MACROH2A1: variants seen among roughly 807,000 people sequenced by gnomAD.
MACROH2A1 encodes the protein macroH2A.1 histone.
Under a neutral mutation model 31.6 loss-of-function variants are expected in MACROH2A1, and 2 were observed. The observed-to-expected ratio is 0.06, with a 90% confidence interval of 0.03 to 0.20. The LOEUF (loss-of-function observed/expected upper bound fraction) is 0.20, where lower values mean the gene tolerates loss of function less well. Ranked by LOEUF, MACROH2A1 falls within the 10% of genes least tolerant of loss-of-function variation. MACROH2A1 has a pLI of 1.00. For missense variants in MACROH2A1, 230 were observed against 474.0 expected (o/e 0.49, Z 4.78); for synonymous variants, 169 against 189.6 (o/e 0.89, Z 0.89).
intron 7 of MACROH2A1, chr5:135,344,939 A>G (rs1055450703): frequency 6.6e-6 from 1 of 152,366 alleles, no homozygotes; most frequent in Non-Finnish European, 1.5e-5. Context: ...CCGATGGGAA[A>G]GGACCCACAG....
intron 6 of MACROH2A1, among the ~76,000 whole-genome samples, chr5:135,352,273 G>A (rs896939182): frequency 1.3e-5 from 2 of 152,226 alleles, no homozygotes; most frequent in Non-Finnish European, 2.9e-5. Context: ...ATAGAGGCAG[G>A]ACACTTGAGG....
intron 2 of MACROH2A1, among the ~76,000 whole-genome samples, chr5:135,387,049 C>G (rs1766515310): frequency 6.6e-6 from 1 of 152,192 alleles, no homozygotes; most frequent in Non-Finnish European, 1.5e-5. Context: ...AAATTGGGGT[C>G]CAGGGAAGTT....
intron 6 of MACROH2A1, among the ~76,000 whole-genome samples, chr5:135,350,101 T>C (rs886527921): frequency 6.6e-6 from 1 of 152,190 alleles, no homozygotes; most frequent in African/African-American, 2.4e-5. Context: ...AGCCTCAGGA[T>C]ATGGCATCTC....
At chr5:135,396,618 A>T (rs1447028168) in intron 1 of MACROH2A1, among the ~76,000 whole-genome samples, 1 of 151,650 alleles carries the variant, frequency 6.6e-6, no homozygotes, top group African/African-American at 2.4e-5. Context: ...TGACCTTTCC[A>T]AGCCAGATAA....
chr5:135,356,804 T>C (rs1006113542), intron 5 of MACROH2A1: 1 of 152,192 alleles, frequency 6.6e-6, no homozygotes, highest in Non-Finnish European at 1.5e-5. Context: ...TTGGTTCTTT[T>C]AAAAAAATAT....
chr5:135,363,838 G>A (rs923473384), intron 4 of MACROH2A1, among the ~76,000 whole-genome samples: 7 of 152,190 alleles, frequency 4.6e-5, no homozygotes, highest in Non-Finnish European at 1.0e-4. Flanking sequence ...AGCACCTGTT[G>A]TTTCCTGACT....
intron 5 of MACROH2A1, chr5:135,359,546 TGA>T (rs1414365060): frequency 1.7e-5 from 17 of 981,682 alleles, no homozygotes; most frequent in South Asian, 4.7e-5. Context: ...AATTGCATCA[TGA>T]GAGAGAGTGC....
chr5:135,396,085 C>T (rs550659456), intron 1 of MACROH2A1, among the ~76,000 whole-genome samples: 1 of 152,162 alleles, frequency 6.6e-6, no homozygotes, highest in Non-Finnish European at 1.5e-5. Flanking sequence ...ATGCGCTTCC[C>T]GAGATGCACT....
At chr5:135,346,742 T>C (rs910330475) in intron 6 of MACROH2A1, 1 of 152,234 alleles carries the variant, frequency 6.6e-6, no homozygotes, top group Admixed American at 6.5e-5. Context: ...CTGTGTTCTA[T>C]AAAAAGCTTG....
chr5:135,366,352 A>G (rs1392837997), intron 4 of MACROH2A1, among the ~76,000 whole-genome samples: 2 of 152,186 alleles, frequency 1.3e-5, no homozygotes, highest in Non-Finnish European at 2.9e-5. Context: ...CCAGAATATG[A>G]CAGGGGCAGT....
At chr5:135,361,001 C>CT in intron 4 of MACROH2A1, 1 of 341,848 alleles carries the variant, frequency 2.9e-6, no homozygotes, top group South Asian at 2.3e-5. Flanking sequence ...TTCTAGGTCA[C>CT]TAATTCTCAA....
chr5:135,360,635 G>T, intron 4 of MACROH2A1, 28 bp from the exon 5 acceptor site: 1 of 1,485,124 alleles, frequency 6.7e-7, no homozygotes. Context: ...GTCAGAATGT[G>T]GGCCACACAG....
chr5:135,387,807 C>T (rs1766625954), intron 2 of MACROH2A1, among the ~76,000 whole-genome samples: 2 of 151,982 alleles, frequency 1.3e-5, no homozygotes, highest in Non-Finnish European at 2.9e-5. Context: ...GTGAACAGGA[C>T]CAAGGACCCC....
intron 4 of MACROH2A1, chr5:135,360,949 C>G (rs933347307): frequency 9.8e-6 from 4 of 406,156 alleles, no homozygotes; most frequent in African/African-American, 2.1e-5. Flanking sequence ...TCTTTCCTTT[C>G]TAGATGTCTG....
chr5:135,353,244 G>C (rs988599414), intron 5 of MACROH2A1, 199 bp from the exon 6 acceptor site: 1 of 551,928 alleles, frequency 1.8e-6, no homozygotes, highest in African/African-American at 1.9e-5. Context: ...AAGCAAACTA[G>C]GATGAATGTT....
At chr5:135,354,229 A>T (rs1424467608) in intron 5 of MACROH2A1, 2 of 152,234 alleles carry the variant, frequency 1.3e-5, no homozygotes, top group Non-Finnish European at 1.5e-5. Context: ...CTGGCAACAG[A>T]GCAAGTTGCT....
chr5:135,384,144 G>A (rs533617095), intron 2 of MACROH2A1, among the ~76,000 whole-genome samples: 1 of 152,294 alleles, frequency 6.6e-6, no homozygotes, highest in Admixed American at 6.5e-5. Flanking sequence ...CATCAGAAAT[G>A]CCAAGTGAGG....
intron 2 of MACROH2A1, among the ~76,000 whole-genome samples, chr5:135,383,066 T>C (rs1765870651): frequency 6.6e-6 from 1 of 152,262 alleles, no homozygotes; most frequent in African/African-American, 2.4e-5. Flanking sequence ...CCCTGAGGCC[T>C]GACCCACTTG....
intron 2 of MACROH2A1, among the ~76,000 whole-genome samples, chr5:135,387,395 C>G (rs1766562418): frequency 6.6e-6 from 1 of 152,236 alleles, no homozygotes; most frequent in Non-Finnish European, 1.5e-5. Context: ...TTCCTGATGA[C>G]TGTGTTTGCT....
Sources: allele counts gnomAD v4.1 joint callset (sites outside exome capture counted in the v4.1 genomes callset), GRCh38; gene constraint gnomAD v4.1.1; transcripts MANE v1.5; gene names NCBI Gene and HGNC (gene_info 2026-07-23, HGNC 2026-07-21).